ADCY2: variants seen among roughly 807,000 people sequenced by gnomAD.
ADCY2 encodes the protein adenylate cyclase 2.
Under a neutral mutation model 125.2 loss-of-function variants are expected in ADCY2, and 31 were observed. The ratio of observed to expected loss-of-function variants is 0.25; its 90% CI spans 0.19 to 0.33. The LOEUF is 0.33. ADCY2 is among the 10% of genes least tolerant of loss of function. The pLI, the probability that ADCY2 is intolerant of heterozygous loss-of-function variation, is 1.00. For synonymous variants in ADCY2, 512 were observed against 548.4 expected, an observed-to-expected ratio of 0.93 and a Z score of 0.93; for missense variants, 904 against 1,418.2, an observed-to-expected ratio of 0.64 and a Z score of 5.82.
At position 7,520,853 on chromosome 5, in the gene ADCY2, T is replaced by A. The variant is rs1744419965; in HGVS notation, c.524T>A (p.Val175Asp). The A allele has an allele frequency of 6.2e-6, 10 of 1,614,058 alleles. No homozygotes were observed. Among genetic ancestry groups the A allele is most frequent in the Non-Finnish European group, 8.5e-6 (10 of 1,180,034 alleles). Residue 175 changes from valine to aspartate, a missense_variant, in exon 3 of 25, where the codon GTC becomes GAC. This residue lies in a region of ADCY2 where 121 missense variants were observed against 161.5 expected (regional missense o/e 0.75). Transcript: ENST00000338316. ...TCCTCCCACACCATCGTGCTTAGCGTCTGCCTGTCTGCAACACCGGGAGGC... is the reference window on the plus strand; with the variant it reads ...TCCTCCCACACCATCGTGCTTAGCGACTGCCTGTCTGCAACACCGGGAGGC... ...TSSSHTIVLS[V>D]CLSATPGGKE...
intron 3 of ADCY2, among the ~76,000 whole-genome samples, chr5:7,531,309 A>C (rs778130962): frequency 1.3e-5 from 2 of 152,126 alleles, no homozygotes; most frequent in African/African-American, 4.8e-5. Flanking sequence ...GACCAGCTTC[A>C]TGGTACCTTG....
At chr5:7,472,530 G>GAT (rs1742379507) in intron 2 of ADCY2, among the ~76,000 whole-genome samples, 5 of 151,986 alleles carry the variant, frequency 3.3e-5, no homozygotes, top group South Asian at 4.2e-4. Flanking sequence ...TATGCAAGTA[G>GAT]ATATATATAT....
chr5:7,654,000 C>CCA (rs755484420), intron 4 of ADCY2: 1 of 448,636 alleles, frequency 2.2e-6, no homozygotes, highest in South Asian at 1.6e-5. Context: ...ACCAGTGGAG[C>CCA]CACACGTCTA....
At chr5:7,558,057 A>T (rs1322948276) in intron 3 of ADCY2, among the ~76,000 whole-genome samples, 4 of 146,070 alleles carry the variant, frequency 2.7e-5, no homozygotes, top group South Asian at 2.2e-4. Flanking sequence ...TTTTGGTTTT[A>T]TTTTTTTTTT....
intron 14 of ADCY2, among the ~76,000 whole-genome samples, chr5:7,731,127 T>C (rs1476862698): frequency 1.3e-5 from 2 of 152,308 alleles, no homozygotes; most frequent in East Asian, 3.9e-4. Context: ...CACCCAACAT[T>C]GAGATTATAA....
intron 2 of ADCY2, among the ~76,000 whole-genome samples, chr5:7,470,384 A>G (rs1386231667): frequency 6.6e-6 from 1 of 151,380 alleles, no homozygotes; most frequent in Non-Finnish European, 1.5e-5. Flanking sequence ...CATTTTGTTT[A>G]GCTCTTTTAG....
At chr5:7,654,236 G>C (rs537226527) in intron 4 of ADCY2, 6 of 440,520 alleles carry the variant, frequency 1.4e-5, no homozygotes, top group Admixed American at 2.5e-5. Flanking sequence ...CAGTAGACAG[G>C]GTTTCAGGAA....
At chr5:7,615,884 A>G (rs1266100306) in intron 3 of ADCY2, among the ~76,000 whole-genome samples, 1 of 152,192 alleles carries the variant, frequency 6.6e-6, no homozygotes. Context: ...ATCAGAATCC[A>G]TGATCTGTAA....
intron 3 of ADCY2, among the ~76,000 whole-genome samples, chr5:7,538,182 C>A (rs1734882059): frequency 6.6e-6 from 1 of 152,128 alleles, no homozygotes; most frequent in Admixed American, 6.6e-5. Flanking sequence ...TGTTGACTCT[C>A]CCAGAATAAA....
intron 4 of ADCY2, among the ~76,000 whole-genome samples, chr5:7,645,976 T>C (rs1368187619): frequency 6.6e-6 from 1 of 152,212 alleles, no homozygotes; most frequent in Non-Finnish European, 1.5e-5. Flanking sequence ...CAAACTACTG[T>C]TTGTAAATAA....
In ADCY2 at chr5:7,760,352, T is replaced by G. The variant is rs79671630; in HGVS notation, c.2094+2766T>G. Among the ~76,000 whole-genome samples the G allele has an allele frequency of 5.9e-3, 899 of 152,320 alleles. 6 individuals carry two copies. The highest frequency in any genetic ancestry group is 0.021 in the African/African-American group (858 of 41,562). On this transcript the variant is annotated intron_variant, in intron 16 of 24. Coordinates refer to ENST00000338316, the MANE Select transcript of ADCY2 (RefSeq NM_020546.3). ...CTGTGAGAGAGACTGGGTCGGAAGT[T>G]GACTCCGTAGCCAAGGGGCTGAGGA... is the stretch of plus-strand genomic sequence containing the variant.
intron 2 of ADCY2, among the ~76,000 whole-genome samples, chr5:7,448,242 T>C (rs1468600513): frequency 2.0e-5 from 3 of 152,174 alleles, no homozygotes; most frequent in African/African-American, 7.2e-5. Context: ...GTCCTACTTG[T>C]CTCAAAGGAG....
chr5:7,638,430 A>ACTCTG (rs1271425868), intron 4 of ADCY2, among the ~76,000 whole-genome samples: 1 of 152,116 alleles, frequency 6.6e-6, no homozygotes, highest in Non-Finnish European at 1.5e-5. Flanking sequence ...AGTAGTGTGG[A>ACTCTG]CTCTGCCCTT....
rs546497895 is a variant in ADCY2, at chr5:7,793,927, G to A, written c.2628+4127G>A. The A allele has an allele frequency of 1.3e-4, 20 of 152,336 alleles. No individual in the cohort carries two copies. In the South Asian group the frequency reaches 4.1e-3, roughly 32 times the overall value. 9.4% of individuals were successfully genotyped at this position (152,336 alleles called of 1,614,324 possible). On this transcript the variant is annotated intron_variant, in intron 20 of 24. Transcript: ENST00000338316. ...GGGGGCAGCCTACAGCCCTATAGGAGAATGAAAGAGCTTGGTTTCAGAGCT... is the reference window on the plus strand; with the variant it reads ...GGGGGCAGCCTACAGCCCTATAGGAAAATGAAAGAGCTTGGTTTCAGAGCT...
intron 7 of ADCY2, among the ~76,000 whole-genome samples, chr5:7,705,722 T>G (rs1451845746): frequency 6.6e-6 from 1 of 152,150 alleles, no homozygotes; most frequent in Non-Finnish European, 1.5e-5. Flanking sequence ...CTGGGTTTTT[T>G]GCAAAAGCAA....
At chr5:7,569,160 C>T (rs867556915) in intron 3 of ADCY2, among the ~76,000 whole-genome samples, 4 of 152,098 alleles carry the variant, frequency 2.6e-5, no homozygotes, top group Admixed American at 6.6e-5. Flanking sequence ...ATGATGTGAG[C>T]AAGGCACTAC....
intron 2 of ADCY2, among the ~76,000 whole-genome samples, chr5:7,516,312 G>A (rs148159539): frequency 2.0e-5 from 3 of 152,274 alleles, no homozygotes; most frequent in Non-Finnish European, 4.4e-5. Context: ...ATATATAAAA[G>A]CACCCAATTT....
rs1352675132 is a variant in ADCY2 at position 7,703,093 on chromosome 5, A to G, written c.1110-3651A>G. Among the ~76,000 whole-genome samples, 3 of 151,886 alleles carry G rather than the reference A, an allele frequency of 2.0e-5. No individual in the cohort carries two copies. The East Asian group carries it at 5.8e-4, about 29-fold the overall frequency. On this transcript the variant is annotated intron_variant, in intron 7 of 24. Coordinates refer to ENST00000338316, the MANE Select transcript of ADCY2 (RefSeq NM_020546.3). ...TGGGGTTGTTTGATTTTTTTCTTGTAAATTTGTTTGAGTTCTTTGTAGATT... is the reference window on the plus strand; with the variant it reads ...TGGGGTTGTTTGATTTTTTTCTTGTGAATTTGTTTGAGTTCTTTGTAGATT...
intron 4 of ADCY2, among the ~76,000 whole-genome samples, chr5:7,641,518 A>G (rs1188466911): frequency 1.3e-5 from 2 of 152,126 alleles, no homozygotes; most frequent in Admixed American, 1.3e-4. Flanking sequence ...GATTACCACA[A>G]ATATATCTTG....
Sources: gnomAD v4.1 joint callset for allele counts (sites outside exome capture counted in the v4.1 genomes callset) on GRCh38, gnomAD v4.1.1 for gene constraint, gnomAD v4.1.1 regional missense constraint, MANE v1.5 for transcripts, NCBI Gene and HGNC (gene_info 2026-07-23, HGNC 2026-07-21) for gene names.